RARS2: variants seen among roughly 807,000 people sequenced by gnomAD.
RARS2 encodes probable arginine--tRNA ligase, mitochondrial.
RARS2 carries 67 observed loss-of-function variants against 88.5 expected under a neutral mutation model. The ratio of observed to expected loss-of-function variants is 0.76; its 90% CI spans 0.62 to 0.93. The LOEUF is 0.93. Among genes scored for constraint, RARS2 ranks in the 40% least tolerant of loss-of-function variants. RARS2 has a pLI of 0.00. For synonymous variants in RARS2, 239 were observed against 230.3 expected (o/e 1.04, Z -0.34); for missense variants, 664 against 684.2 (o/e 0.97, Z 0.33).
rs1780538722 is a variant in RARS2 at position 87,540,416 on chromosome 6, C to CT, written c.612+1501dup. On this transcript the variant is annotated intron_variant, in intron 8 of 19. Transcript: ENST00000369536. ...AGTGAGCCAAGATCACACCATTGCA[C>CT]TTCAGCCTAGGCAACAGTGTGAGAC... Among the ~76,000 whole-genome samples the CT allele has an allele frequency of 7.8e-5, 10 of 127,636 alleles. No individual in the cohort carries two copies. The South Asian group carries it at 2.6e-3, about 33-fold the overall frequency. 83.7% of individuals were successfully genotyped at this position (127,636 alleles called of 152,430 possible).
intron 10 of RARS2, among the ~76,000 whole-genome samples, chr6:87,526,810 A>G (rs1775889640): frequency 6.6e-6 from 1 of 151,448 alleles, no homozygotes; most frequent in South Asian, 2.1e-4. Flanking sequence ...AGCTGGGATT[A>G]CAGGCATGCC....
intron 11 of RARS2, among the ~76,000 whole-genome samples, chr6:87,523,903 C>A (rs1774808552): frequency 6.6e-6 from 1 of 152,032 alleles, no homozygotes; most frequent in African/African-American, 2.4e-5. Context: ...ACTTCCTAAT[C>A]CCAATTGCAT....
At chr6:87,544,973 G>A (rs1413799935) in intron 7 of RARS2, among the ~76,000 whole-genome samples, 1 of 152,114 alleles carries the variant, frequency 6.6e-6, no homozygotes, top group African/African-American at 2.4e-5. Context: ...AAAATGGCAG[G>A]GCTGTGGTTG....
At chr6:87,520,364 C>T (rs923213391) in intron 12 of RARS2, 108 bp from the exon 13 acceptor site, 9 of 852,430 alleles carry the variant, frequency 1.1e-5, no homozygotes, top group Non-Finnish European at 1.7e-5. Flanking sequence ...AGACTAAAGT[C>T]GTCAATTGAT....
At chr6:87,526,095 T>A (rs1258822567) in intron 10 of RARS2, among the ~76,000 whole-genome samples, 1 of 152,078 alleles carries the variant, frequency 6.6e-6, no homozygotes, top group Admixed American at 6.6e-5. Context: ...CCAAAAGCAA[T>A]CTACAGATTC....
chr6:87,520,810 T>C (rs1372122831), intron 12 of RARS2, among the ~76,000 whole-genome samples: 1 of 152,186 alleles, frequency 6.6e-6, no homozygotes, highest in Non-Finnish European at 1.5e-5. Flanking sequence ...AAAATTGTGC[T>C]GAAGAACAGA....
chr6:87,584,851 G>A (rs1582906865), intron 1 of RARS2: 1 of 307,270 alleles, frequency 3.3e-6, no homozygotes, highest in Non-Finnish European at 6.4e-6. Flanking sequence ...TAGAGAAGGG[G>A]TAACCATGCT....
At chr6:87,536,561 C>A (rs528363848) in intron 8 of RARS2, among the ~76,000 whole-genome samples, 1 of 150,644 alleles carries the variant, frequency 6.6e-6, no homozygotes, top group Non-Finnish European at 1.5e-5. Flanking sequence ...CATTTGAACC[C>A]GGGAGGCAGA....
chr6:87,543,805 G>A (rs1162118076), intron 7 of RARS2, among the ~76,000 whole-genome samples: 2 of 152,184 alleles, frequency 1.3e-5, no homozygotes, highest in Non-Finnish European at 1.5e-5. Context: ...GGAACAAGAA[G>A]GATGACTGAA....
intron 1 of RARS2, among the ~76,000 whole-genome samples, chr6:87,582,696 A>G (rs1773983782): frequency 6.6e-6 from 1 of 152,230 alleles, no homozygotes; most frequent in African/African-American, 2.4e-5. Flanking sequence ...CCTGCTGTTT[A>G]CCTTAATGTG....
At chr6:87,530,256 G>A (rs1054687727) in intron 9 of RARS2, among the ~76,000 whole-genome samples, 3 of 152,054 alleles carry the variant, frequency 2.0e-5, no homozygotes, top group Non-Finnish European at 2.9e-5. Context: ...CCAGTCACAC[G>A]GGCTTCTTTA....
intron 2 of RARS2, among the ~76,000 whole-genome samples, chr6:87,565,330 C>T (rs2128177240): frequency 6.6e-6 from 1 of 152,066 alleles, no homozygotes; most frequent in East Asian, 1.9e-4. Context: ...TCTTAACACT[C>T]AGTAGTTCAT....
intron 5 of RARS2, among the ~76,000 whole-genome samples, chr6:87,551,573 T>C (rs1784340182): frequency 8.0e-6 from 1 of 125,594 alleles, no homozygotes; most frequent in Admixed American, 1.1e-4. Flanking sequence ...GAGGCTGCAA[T>C]GAATCATGCC....
chr6:87,541,123 G>A (rs1006656328), intron 8 of RARS2, among the ~76,000 whole-genome samples: 3 of 152,100 alleles, frequency 2.0e-5, no homozygotes, highest in Non-Finnish European at 4.4e-5. Context: ...CAACTAAAAG[G>A]ACATTTAAAA....
At chr6:87,556,998 AT>A (rs1189305218) in intron 4 of RARS2, among the ~76,000 whole-genome samples, 1 of 151,774 alleles carries the variant, frequency 6.6e-6, no homozygotes, top group Non-Finnish European at 1.5e-5. Context: ...GTTGTGAAAA[AT>A]TTTATTATTA....
At chr6:87,515,537 A>G (rs566035107) in intron 18 of RARS2, among the ~76,000 whole-genome samples, 59 of 151,934 alleles carry the variant, frequency 3.9e-4, no homozygotes, top group Admixed American at 1.3e-3. Flanking sequence ...AAAAAAGATT[A>G]TGATTTCAAT....
At chr6:87,551,966 A>G (rs542182522) in intron 5 of RARS2, among the ~76,000 whole-genome samples, 29 of 152,334 alleles carry the variant, frequency 1.9e-4, no homozygotes, top group African/African-American at 7.0e-4. Flanking sequence ...CAAGTCTTAC[A>G]CCATCTACCA....
intron 8 of RARS2, among the ~76,000 whole-genome samples, chr6:87,539,511 T>C (rs1780238294): frequency 6.6e-6 from 1 of 152,226 alleles, no homozygotes; most frequent in African/African-American, 2.4e-5. Context: ...CTCTTCCTTA[T>C]TTGGAGGTGT....
Position 87,518,610 on chromosome 6 carries a change from T to G in RARS2, c.1415+20A>C. ...AGTAAGCACAGTGCAGCACAAGGTT[T>G]CCCTGCAGCCTCTTCTCACCTGTGG... is the stretch of plus-strand genomic sequence containing the variant. On this transcript the variant is annotated intron_variant, in intron 16 of 19. Transcript: ENST00000369536. 1 of 1,592,634 alleles carries G rather than the reference T, an allele frequency of 6.3e-7. No homozygotes were observed. Among genetic ancestry groups the G allele is most frequent in the Non-Finnish European group, 8.6e-7 (1 of 1,161,144 alleles).
Sources: allele counts gnomAD v4.1 joint callset (sites outside exome capture counted in the v4.1 genomes callset), GRCh38; gene constraint gnomAD v4.1.1; transcripts MANE v1.5; gene names NCBI Gene and HGNC (gene_info 2026-07-23, HGNC 2026-07-21).